The following SLFN12 variants were observed in gnomAD, a reference collection of about 807,000 sequenced individuals.
The protein encoded by SLFN12 is ribonuclease SLFN12.
A neutral mutation model predicts 29.1 loss-of-function variants in SLFN12; 25 were observed. The observed-to-expected ratio is 0.86, with a 90% CI of 0.63 to 1.20. The LOEUF (loss-of-function observed/expected upper bound fraction) is 1.20. Ranked by LOEUF, SLFN12 falls within the 50% of genes most tolerant of loss-of-function variation. The pLI is 0.00. For missense variants in SLFN12, 660 were observed against 666.2 expected, an observed-to-expected ratio of 0.99 and a Z score of 0.10; for synonymous variants, 257 against 238.7, an observed-to-expected ratio of 1.08 and a Z score of -0.71.
rs184741359 is a variant in SLFN12, at chr17:35,411,668, A to G, written c.1407T>C (p.Tyr469=). Reference sequence around the variant, plus strand: ...TTAAGGTTAGGGCAGTTTGTGTAGAATAGCCTTTAAACTCCTCATCCTGTA... The same window carrying G: ...TTAAGGTTAGGGCAGTTTGTGTAGAGTAGCCTTTAAACTCCTCATCCTGTA... ...HMVQDEEFKG[Y]STQTALTLKQ... Residue 469 remains tyrosine, a synonymous_variant, in exon 4 of 4, where the codon TAT becomes TAC. Transcript: ENST00000304905. The G allele has an allele frequency of 6.2e-7, 1 of 1,614,020 alleles. No individual in the cohort carries two copies. The highest frequency in any genetic ancestry group is 1.3e-5 in the African/African-American group (1 of 75,034).
chr17:35,422,378 T>C lies in SLFN12; in HGVS notation c.651A>G (p.Arg217=). Residue 217 remains arginine (R), a synonymous_variant, in exon 2 of 4, where the codon CGA becomes CGG. Transcript: ENST00000304905. ...KNFSTEKLLQ[R]IKEILPQYVS... ...CATATTGAGGGAGAATCTCTTTAAT[T>C]CGTTGTAACAACTTTTCTGTCGAGA... The C allele has an allele frequency of 6.2e-7, 1 of 1,614,032 alleles. No individual in the cohort carries two copies. The highest frequency in any genetic ancestry group is 8.5e-7 in the Non-Finnish European group (1 of 1,179,996).
rs549230609 is a variant in SLFN12, at chr17:35,413,673, C to T, written c.1148-1746G>A. ...CTGAAGTAAGAGAATCGCTTGAACC[C>T]GGGAGGTGGAGGTTGCAGGGTGCCA... On this transcript the variant is annotated intron_variant, in intron 3 of 3. Coordinates refer to ENST00000304905, the MANE Select transcript of SLFN12 (RefSeq NM_018042.5). 5.3e-5 allele frequency among the ~76,000 whole-genome samples: 8 copies of T among 150,678 alleles called. 1 individual carries two copies. Among genetic ancestry groups the T allele is most frequent in the South Asian group, 2.1e-4 (1 of 4,758 alleles).
intron 1 of SLFN12, among the ~76,000 whole-genome samples, chr17:35,428,316 G>A (rs1474094755): frequency 1.3e-5 from 2 of 151,834 alleles, no homozygotes; most frequent in Non-Finnish European, 2.9e-5. Flanking sequence ...TGAACCTTTT[G>A]GGGGGAAGAG....
Position 35,411,500 on chromosome 17 carries a change from T to G in SLFN12, c.1575A>C (p.Thr525=), listed in dbSNP as rs546160775. 1 of 1,614,016 alleles carries G rather than the reference T, an allele frequency of 6.2e-7. No individual in the cohort carries two copies. The highest frequency in any genetic ancestry group is 1.7e-5 in the Admixed American group (1 of 60,016). Residue 525 remains threonine (T), a synonymous_variant, in exon 4 of 4, where the codon ACA becomes ACC. Coordinates refer to ENST00000304905, the MANE Select transcript of SLFN12 (RefSeq NM_018042.5). ...GGGCTTTCAGCAAGTATTTCCTTCT[T>G]GTAAAATAGTAGGATTCAGGGTAAA... is the stretch of plus-strand genomic sequence containing the variant. ...QVIYPESYYF[T]RRKYLLKALF... is the part of the protein sequence containing the mutation.
upstream of SLFN12, chr17:35,432,840 A>G (rs1421365925): frequency 6.6e-6 from 1 of 152,086 alleles, no homozygotes; most frequent in Non-Finnish European, 1.5e-5. Context: ...CTCCCGAGCC[A>G]GCAGACTCCC....
At chr17:35,418,137 A>G (rs1278858315) in intron 3 of SLFN12, among the ~76,000 whole-genome samples, 1 of 152,134 alleles carries the variant, frequency 6.6e-6, no homozygotes, top group Non-Finnish European at 1.5e-5. Flanking sequence ...TAAATGATTA[A>G]AAATTGCCTA....
intron 2 of SLFN12, among the ~76,000 whole-genome samples, chr17:35,421,698 C>T (rs1055481205): frequency 1.3e-5 from 2 of 151,838 alleles, no homozygotes; most frequent in African/African-American, 2.4e-5. Context: ...TGCCATCACA[C>T]CCAGCTAATT....
intron 3 of SLFN12, among the ~76,000 whole-genome samples, chr17:35,419,988 A>G (rs990283090): frequency 6.6e-6 from 1 of 152,186 alleles, no homozygotes; most frequent in Non-Finnish European, 1.5e-5. Flanking sequence ...CTCAATCTAG[A>G]CTGCTCAGTG....
intron 3 of SLFN12, among the ~76,000 whole-genome samples, chr17:35,415,009 AT>A (rs762051543): frequency 2.6e-5 from 4 of 152,108 alleles, no homozygotes; most frequent in Non-Finnish European, 5.9e-5. Flanking sequence ...ACTAGAAAAA[AT>A]AACCCTAAAA....
At chr17:35,413,521 G>C (rs1911152036) in intron 3 of SLFN12, among the ~76,000 whole-genome samples, 1 of 152,080 alleles carries the variant, frequency 6.6e-6, no homozygotes, top group African/African-American at 2.4e-5. Context: ...GCCAAGGCAG[G>C]TGGATCACCT....
rs1910993144 is a variant in SLFN12, at chr17:35,411,419, T to C, written c.1656A>G (p.Glu552=). The C allele has an allele frequency of 6.2e-7, 1 of 1,610,852 alleles. No homozygotes were observed. Among genetic ancestry groups the C allele is most frequent in the East Asian group, 2.2e-5 (1 of 44,864 alleles). The change falls in exon 4 of 4, where the codon GAA becomes GAG. Residue 552 remains glutamate (E), a synonymous_variant. Transcript: ENST00000304905. The part of the protein sequence containing the change: ...KSLRDQFSFA[E]NLYQIIGIDC... ...CTATACCGATTATCTGGTATAGATT[T>C]TCTGCAAAGGAAAACTGGTCTCTCA...
chr17:35,411,984 C>G, intron 3 of SLFN12, 57 bp from the exon 4 acceptor site: 1 of 1,349,806 alleles, frequency 7.4e-7, no homozygotes, highest in Non-Finnish European at 9.9e-7. Flanking sequence ...CCCATTTAAG[C>G]CATGGCAAAG....
Position 35,422,506 on chromosome 17 carries a change from T to C in SLFN12, c.523A>G (p.Asn175Asp), listed in dbSNP as rs1185539961. The C allele has an allele frequency of 3.1e-6, 5 of 1,613,504 alleles. No individual in the cohort carries two copies. The Admixed American group carries it at 6.7e-5, about 22-fold the overall frequency. Residue 175 changes from asparagine (N) to aspartate (D), a missense_variant, in exon 2 of 4, where the codon AAT becomes GAT. By Grantham distance (23) the Asn-to-Asp change is conservative. Coordinates refer to ENST00000304905, the MANE Select transcript of SLFN12 (RefSeq NM_018042.5). ...ACCCCGGCCAAGGCCTTCATGTTAT[T>C]TTCTTCTTGTATATCAACACAGGGC... The part of the protein sequence containing the change: ...KRPCVDIQEE[N>D]NMKALAGVFF...
chr17:35,422,509 C>A lies in SLFN12; in HGVS notation c.520G>T (p.Glu174Ter), dbSNP rs751411386. 1 of 1,613,654 alleles carries A rather than the reference C, an allele frequency of 6.2e-7. No homozygotes were observed. The highest frequency in any genetic ancestry group is 1.3e-5 in the African/African-American group (1 of 75,018). Residue 174 changes from glutamate (E) to a stop codon, truncating the protein, a stop_gained, in exon 2 of 4, where the codon GAA becomes TAA. Transcript: ENST00000304905. LOFTEE classifies it high-confidence loss of function. ...CCGGCCAAGGCCTTCATGTTATTTTCTTCTTGTATATCAACACAGGGCCTC... is the reference window on the plus strand; with the variant it reads ...CCGGCCAAGGCCTTCATGTTATTTTATTCTTGTATATCAACACAGGGCCTC... Reference protein sequence around the residue: ...AKRPCVDIQEENNMKALAGVF... With the variant: ...AKRPCVDIQE
chr17:35,418,846 G>A (rs1188132845), intron 3 of SLFN12, among the ~76,000 whole-genome samples: 2 of 150,936 alleles, frequency 1.3e-5, no homozygotes, highest in Non-Finnish European at 2.9e-5. Context: ...GATGGATTGT[G>A]TATTTATTTA....
chr17:35,422,060 A>T lies in SLFN12; in HGVS notation c.969T>A (p.His323Gln). Residue 323 changes from histidine to glutamine, a missense_variant, in exon 2 of 4, where the codon CAT becomes CAA. By Grantham distance (24) the His-to-Gln change is conservative. Transcript: ENST00000304905. ...AVFAKEPDSW[H>Q]VKDNRVMQLT... Reference sequence around the variant, plus strand: ...ACTGCATCACACGGTTATCTTTCACATGCCAGGAATCAGGCTCTTTAGCAA... The same window carrying T: ...ACTGCATCACACGGTTATCTTTCACTTGCCAGGAATCAGGCTCTTTAGCAA... 5.0e-6 allele frequency: 8 copies of T among 1,614,070 alleles called. No homozygotes were observed. The South Asian group carries it at 8.8e-5, about 18-fold the overall frequency.
chr17:35,422,196 A>G lies in SLFN12; in HGVS notation c.833T>C (p.Met278Thr), dbSNP rs140269563. The change falls in exon 2 of 4, where the codon ATG becomes ACG. Residue 278 changes from methionine to threonine, a missense_variant. Transcript: ENST00000304905. ...IRKMPVHHFCMEKKKINYSCK... is the reference protein window; with the variant it reads ...IRKMPVHHFCTEKKKINYSCK... ...TGAATAATTTATCTTCTTCTTCTCC[A>G]TACAGAAGTGATGCACAGGCATCTT... The G allele has an allele frequency of 3.0e-4, 492 of 1,614,110 alleles. 4 individuals are homozygous for G. The African/African-American group carries it at 5.7e-3, about 19-fold the overall frequency.
Position 35,423,003 on chromosome 17 carries a change from G to T in SLFN12, c.26C>A (p.Thr9Lys), listed in dbSNP as rs143225670. Residue 9 changes from threonine to lysine, a missense_variant, in exon 2 of 4, where the codon ACG (threonine) becomes AAG (lysine). Transcript: ENST00000304905. ...ATCTAGAACCAACTCGGCATAATTC[G>T]TTTCCAAATCAACACTGATGTTCAT... MNISVDLETNYAELVLDVG... is the reference protein window; with the variant it reads MNISVDLEKNYAELVLDVG... The T allele has an allele frequency of 3.7e-6, 6 of 1,611,484 alleles. No individual in the cohort carries two copies. Among genetic ancestry groups the T allele is most frequent in the Non-Finnish European group, 5.1e-6 (6 of 1,178,930 alleles).
chr17:35,413,168 T>C (rs1475851961), intron 3 of SLFN12, among the ~76,000 whole-genome samples: 1 of 150,288 alleles, frequency 6.7e-6, no homozygotes, highest in African/African-American at 2.4e-5. Flanking sequence ...GAGAGAAAAA[T>C]AAGATAAGCA....
Sources: allele counts gnomAD v4.1 joint callset (sites outside exome capture counted in the v4.1 genomes callset), GRCh38; gene constraint gnomAD v4.1.1; transcripts MANE v1.5; gene names NCBI Gene and HGNC (gene_info 2026-07-23, HGNC 2026-07-21).